Variants in ACAP3 observed in about 807,000 individuals in gnomAD.
ACAP3 encodes the protein ArfGAP with coiled-coil, ankyrin repeat and PH domains 3.
In ACAP3, 56 loss-of-function variants were observed where a neutral mutation model predicts 104.1. The observed-to-expected ratio is 0.54, with a 90% CI of 0.43 to 0.67. The LOEUF is 0.67. Ranked by LOEUF, ACAP3 falls within the 30% of genes least tolerant of loss-of-function variation. The probability of loss-of-function intolerance (pLI) is 0.00; values close to 1 mark genes in which losing one functional copy is unlikely to be tolerated. For missense variants in ACAP3, 1,208 were observed against 1,174.9 expected (o/e 1.03, Z -0.41); for synonymous variants, 628 against 496.2 (o/e 1.27, Z -3.53).
At position 1,293,433 on chromosome 1, in the gene ACAP3, C is replaced by A; in HGVS notation, c.*131G>T. 1 of 982,782 alleles carries A rather than the reference C, an allele frequency of 1.0e-6. No homozygotes were observed. Among genetic ancestry groups the A allele is most frequent in the Non-Finnish European group, 1.3e-6 (1 of 758,644 alleles). The allele number at this position is 982,782 out of a possible 1,614,324, so 60.9% of individuals were successfully genotyped here. A position where few individuals can be genotyped will look rare whatever the true frequency, so the allele number is the denominator to read the frequency against. On this transcript the variant is annotated 3_prime_UTR_variant, in exon 24 of 24. Coordinates refer to ENST00000354700, the MANE Select transcript of ACAP3 (RefSeq NM_030649.3). ...CTCCTGGGCGAGCAGGGCCGCGGCG[C>A]CCCAGCACTGGGGCTGCCAGGTATC...
At chr1:1,299,173 G>T (rs896465236) in intron 10 of ACAP3, 172 bp downstream of exon 10, 55 of 847,272 alleles carry the variant, frequency 6.5e-5, no homozygotes, top group Non-Finnish European at 8.7e-5. Context: ...ACCCCACGGG[G>T]AATGTGGAGG....
chr1:1,306,901 G>C (rs1282524601), intron 1 of ACAP3, among the ~76,000 whole-genome samples: 5 of 152,212 alleles, frequency 3.3e-5, no homozygotes, highest in African/African-American at 1.2e-4. Context: ...ACGCTTGCGT[G>C]CACTCATCGG....
rs377265511 is a variant in ACAP3 at position 1,300,074 on chromosome 1, G to A, written c.568-6C>T. ...GCGTGCATGAAGGACAGCATCTGCG[G>A]GGGCAGCACAGGTGAGGCCCAAGCA... On this transcript the variant is annotated splice_polypyrimidine_tract_variant and splice_region_variant and intron_variant, in intron 7 of 23. Transcript: ENST00000354700. 6.2e-7 allele frequency: 1 copy of A among 1,612,124 alleles called. No homozygotes were observed. The highest frequency in any genetic ancestry group is 1.1e-5 in the South Asian group (1 of 91,012).
In ACAP3 at chr1:1,303,128, C is replaced by A; in HGVS notation, c.225+34G>T. The A allele has an allele frequency of 6.4e-7, 1 of 1,574,206 alleles. No homozygotes were observed. Among genetic ancestry groups the A allele is most frequent in the Non-Finnish European group, 8.6e-7 (1 of 1,160,374 alleles). On this transcript the variant is annotated intron_variant, in intron 3 of 23. Coordinates refer to ENST00000354700, the MANE Select transcript of ACAP3 (RefSeq NM_030649.3). The surrounding 1 kb of genome is among the most constrained non-coding windows in gnomAD (Gnocchi z 4.0). ...GCCTCCCTCGGCCTCTCCCCCAACC[C>A]CACCTTGAGGTCAGAGGTCAGTCGG...
At chr1:1,297,179 C>A (rs1352020785) in intron 14 of ACAP3, among the ~76,000 whole-genome samples, 4 of 141,396 alleles carry the variant, frequency 2.8e-5, no homozygotes, top group African/African-American at 1.1e-4. Context: ...GGGGCAGGGG[C>A]CATCCCCAGT....
In ACAP3 at chr1:1,306,744, C is replaced by T. The variant is rs146425665; in HGVS notation, c.47+1025G>A. 2.9e-3 allele frequency among the ~76,000 whole-genome samples: 447 copies of T among 152,334 alleles called. 1 individual carries two copies. Among genetic ancestry groups the T allele is most frequent in the African/African-American group, 0.01 (428 of 41,578 alleles). On this transcript the variant is annotated intron_variant, in intron 1 of 23. Coordinates refer to ENST00000354700, the MANE Select transcript of ACAP3 (RefSeq NM_030649.3). ...AACATGCCTGCACACACTGGTACCACACATACATGTGTGTTCAAGGAGACA... is the reference window on the plus strand; with the variant it reads ...AACATGCCTGCACACACTGGTACCATACATACATGTGTGTTCAAGGAGACA...
In ACAP3 at chr1:1,303,072, C is replaced by T. The variant is rs1028971945; in HGVS notation, c.225+90G>A. The stretch of plus-strand genomic sequence containing the variant: ...GCCCCTGGGCGGTGCAGACACCGGC[C>T]TGCTTCTGGCCTGGACGCCCTCAAG... On this transcript the variant is annotated intron_variant, in intron 3 of 23. Transcript: ENST00000354700. The surrounding 1 kb of genome is among the most constrained non-coding windows in gnomAD (Gnocchi z 4.0). 178 of 1,551,524 alleles carry T rather than the reference C, an allele frequency of 1.1e-4. 1 individual carries two copies. Among genetic ancestry groups the T allele is most frequent in the South Asian group, 9.5e-5 (8 of 84,334 alleles).
chr1:1,296,728 G>C (rs907155441), intron 14 of ACAP3, 95 bp from the exon 15 acceptor site: 4 of 1,337,136 alleles, frequency 3.0e-6, no homozygotes, highest in Non-Finnish European at 4.1e-6. Context: ...GCCAATGCAG[G>C]CCAGGGCCCC....
chr1:1,300,253 A>G, intron 6 of ACAP3, 51 bp from the exon 7 acceptor site: 1 of 1,543,712 alleles, frequency 6.5e-7, no homozygotes, highest in Admixed American at 2.0e-5. Flanking sequence ...GGCAGCCCCA[A>G]GCCCTGCACC....
chr1:1,298,495 A>AGGG, intron 11 of ACAP3, 72 bp downstream of exon 11: 1 of 859,662 alleles, frequency 1.2e-6, no homozygotes, highest in Non-Finnish European at 1.8e-6. Context: ...CCCCCACCTG[A>AGGG]GGACCCCACC....
intron 1 of ACAP3, chr1:1,306,028 G>A (rs1443331929): frequency 2.6e-5 from 4 of 152,316 alleles, no homozygotes; most frequent in Non-Finnish European, 5.9e-5. Flanking sequence ...GACAGCCTCA[G>A]GGAGCCCCTC....
Position 1,293,464 on chromosome 1 carries a change from G to A in ACAP3, c.*100C>T, listed in dbSNP as rs1640930869. 5 of 1,232,860 alleles carry A rather than the reference G, an allele frequency of 4.1e-6. No individual in the cohort carries two copies. Among genetic ancestry groups the A allele is most frequent in the East Asian group, 3.9e-5 (1 of 25,822 alleles). The allele number at this position is 1,232,860 out of a possible 1,614,324, so 76.4% of individuals were successfully genotyped here. A position where few individuals can be genotyped will look rare whatever the true frequency, so the allele number is the denominator to read the frequency against. ...CACTGGGGCTGCCAGGTATCGACCC[G>A]CGGGTCACACGCAGGGCCGCGGCCG... On this transcript the variant is annotated 3_prime_UTR_variant, in exon 24 of 24. Transcript: ENST00000354700.
intron 10 of ACAP3, 154 bp downstream of exon 10, chr1:1,299,191 G>C (rs996076172): frequency 2.9e-6 from 3 of 1,027,456 alleles, no homozygotes; most frequent in Admixed American, 2.3e-5. Context: ...AGGTCTGGCC[G>C]GAGCCAGCCC....
rs1641043848 is a variant in ACAP3, at chr1:1,294,805, C to G, written c.1825G>C (p.Asp609His). The change falls in exon 20 of 24, where the codon GAC becomes CAC. Residue 609 changes from aspartate to histidine, a missense_variant. Coordinates refer to ENST00000354700, the MANE Select transcript of ACAP3 (RefSeq NM_030649.3). ...AGAGPRSLSS[D>H]SGLGGSSDGS... ...TCCGAGCTGCCCCCAAGGCCACTGT[C>G]GCTACTCAGACCTGCAGGTCCGCAG... is the stretch of plus-strand genomic sequence containing the variant. 1.3e-6 allele frequency: 2 copies of G among 1,549,788 alleles called. No individual in the cohort carries two copies. The highest frequency in any genetic ancestry group is 2.4e-5 in the South Asian group (2 of 84,054).
In ACAP3 at chr1:1,300,568, C is replaced by G. The variant is rs746294144; in HGVS notation, c.463G>C (p.Gly155Arg). 3.7e-6 allele frequency: 6 copies of G among 1,612,108 alleles called. No individual in the cohort carries two copies. The highest frequency in any genetic ancestry group is 1.7e-5 in the Admixed American group (1 of 59,934). Residue 155 changes from glycine to arginine, a missense_variant, in exon 6 of 24, where the codon GGG (glycine) becomes CGG (arginine). By Grantham distance (125) the Gly-to-Arg change is moderately radical (BLOSUM62 -2). Transcript: ENST00000354700. ...HRPHEVEEATGALTLTRKCFR... is the reference protein window; with the variant it reads ...HRPHEVEEATRALTLTRKCFR... ...CACTTCCTGGTGAGGGTGAGGGCCC[C>G]GGTGGCTTCCTCCACCTCGTGGGGC...
Position 1,307,761 on chromosome 1 carries a change from C to A in ACAP3, c.47+8G>T. On this transcript the variant is annotated splice_region_variant and intron_variant, in intron 1 of 23. Transcript: ENST00000354700. ...CTGCGCCCACCCCGGCGGCCCCGGG[C>A]GGCGCACCTGAAGCGCGGGGAGTCC... The A allele has an allele frequency of 9.1e-7, 1 of 1,099,462 alleles. No homozygotes were observed. The highest frequency in any genetic ancestry group is 1.1e-6 in the Non-Finnish European group (1 of 903,612). The allele number at this position is 1,099,462 out of a possible 1,614,324, so 68.1% of individuals were successfully genotyped here.
Position 1,303,152 on chromosome 1 carries a change from G to A in ACAP3, c.225+10C>T, listed in dbSNP as rs770400042. The stretch of plus-strand genomic sequence containing the variant: ...CCCACCTTGAGGTCAGAGGTCAGTC[G>A]GCCCCTCACCGAGATGACGGTGTCG... On this transcript the variant is annotated intron_variant, in intron 3 of 23. Coordinates refer to ENST00000354700, the MANE Select transcript of ACAP3 (RefSeq NM_030649.3). The surrounding 1 kb of genome is among the most constrained non-coding windows in gnomAD (Gnocchi z 4.0). 12 of 1,590,156 alleles carry A rather than the reference G, an allele frequency of 7.5e-6. No individual in the cohort carries two copies. The highest frequency in any genetic ancestry group is 1.0e-5 in the Non-Finnish European group (12 of 1,169,476).
intron 15 of ACAP3, 70 bp from the exon 16 acceptor site, chr1:1,296,350 G>A (rs527673390): frequency 5.2e-5 from 77 of 1,466,694 alleles, no homozygotes; most frequent in African/African-American, 3.5e-4. Context: ...CCCCACCCCC[G>A]GCCTGGCCCT....
intron 4 of ACAP3, 119 bp downstream of exon 4, chr1:1,302,803 C>CG (rs749150973): frequency 9.1e-5 from 30 of 329,412 alleles, no homozygotes; most frequent in Non-Finnish European, 1.4e-4. Flanking sequence ...ATTCCCCCCC[C>CG]CCCCGACTAG....
Sources: gnomAD v4.1 joint callset for allele counts (sites outside exome capture counted in the v4.1 genomes callset) on GRCh38, gnomAD v4.1.1 for gene constraint, Gnocchi (gnomAD v3.1) non-coding constraint, MANE v1.5 for transcripts, NCBI Gene and HGNC (gene_info 2026-07-23, HGNC 2026-07-21) for gene names.